Variants in TTN observed in about 807,000 individuals in gnomAD.
TTN encodes titin.
A neutral mutation model predicts 3,223.0 loss-of-function variants in TTN; 1,525 were observed. That is an observed-to-expected ratio of 0.47 (90% confidence interval 0.45 to 0.49). The LOEUF is 0.49. Ranked by LOEUF, TTN falls within the 20% of genes least tolerant of loss-of-function variation. The pLI is 0.00. For synonymous variants in TTN, 14,094 were observed against 15,161.0 expected, an observed-to-expected ratio of 0.93 and a Z score of 5.17; for missense variants, 40,786 against 43,424.0, an observed-to-expected ratio of 0.94 and a Z score of 5.40.
In TTN at chr2:178,562,128, T is replaced by G. The variant is rs369737884; in HGVS notation, c.84004A>C (p.Thr28002Pro). 1 of 1,613,218 alleles carries G rather than the reference T, an allele frequency of 6.2e-7. No homozygotes were observed. Among genetic ancestry groups the G allele is most frequent in the Non-Finnish European group, 8.5e-7 (1 of 1,179,568 alleles). The change falls in exon 326 of 363, where the codon ACT (threonine) becomes CCT (proline). Residue 28002 changes from threonine to proline, a missense_variant. By Grantham distance (38) the Thr-to-Pro change is conservative. Coordinates refer to ENST00000589042, the MANE Select transcript of TTN (RefSeq NM_001267550.2). ...TTGACTCTAGTTGTCTCTTTAAGAGTCTGACCATCTTTTCTCCAGTTCACA... is the reference window on the plus strand; with the variant it reads ...TTGACTCTAGTTGTCTCTTTAAGAGGCTGACCATCTTTTCTCCAGTTCACA... ...ATVNWRKDGQ[T>P]LKETTRVNVS...
At chr2:178,543,036 CTTTTT>C in intron 347 of TTN, 28 bp downstream of exon 347, 1 of 1,392,064 alleles carries the variant, frequency 7.2e-7, no homozygotes, top group Non-Finnish European at 9.6e-7. Flanking sequence ...TTTTACTTTA[CTTTTT>C]TTTTTTTTTT....
rs201226974 is a variant in TTN, at chr2:178,537,187, C to T, written c.99922G>A (p.Ala33308Thr). The change falls in exon 356 of 363, where the codon GCA becomes ACA. Residue 33308 changes from alanine to threonine, a missense_variant. Physicochemically the swap from Ala to Thr is moderately conservative, Grantham distance 58. Transcript: ENST00000589042. ...IVIEALLKNS[A>T]VISWKPPADD... ...GCGGGTGGTTTCCAGCTGATCACTG[C>T]GGAGTTCTTCAATAGAGCTTCGATC... 82 of 1,613,070 alleles carry T rather than the reference C, an allele frequency of 5.1e-5. No individual in the cohort carries two copies. The highest frequency in any genetic ancestry group is 6.7e-5 in the Admixed American group (4 of 59,950).
intron 205 of TTN, 54 bp downstream of exon 205, chr2:178,651,830 G>A: frequency 6.2e-7 from 1 of 1,600,834 alleles, no homozygotes; most frequent in South Asian, 1.1e-5. Flanking sequence ...GAATTATCAG[G>A]GCAGGAAGGG....
In TTN at chr2:178,740,032, G is replaced by A. The variant is rs1265208597; in HGVS notation, c.13201C>T (p.Arg4401Trp). 13 of 1,613,690 alleles carry A rather than the reference G, an allele frequency of 8.1e-6. No homozygotes were observed. The highest frequency in any genetic ancestry group is 2.7e-5 in the African/African-American group (2 of 74,910). The change falls in exon 48 of 363, where the codon CGG (arginine) becomes TGG (tryptophan). Residue 4401 changes from arginine to tryptophan, a missense_variant. Physicochemically the swap from Arg to Trp is moderately radical, Grantham distance 101. Transcript: ENST00000589042. ...CTGGCCACGGCTGCTTGCAAAGCCCGGCAGATTTGAATTTTCAGGTTTAAT... is the reference window on the plus strand; with the variant it reads ...CTGGCCACGGCTGCTTGCAAAGCCCAGCAGATTTGAATTTTCAGGTTTAAT... ...QRLNLKIQIC[R>W]ALQAAVASEQ...
In TTN at chr2:178,738,125, A is replaced by G. The variant is rs952268172; in HGVS notation, c.14328T>C (p.Asn4776=). ...DCGEYTCKAS[N]EYGSVSCTAT... is the part of the protein sequence containing the mutation. The stretch of plus-strand genomic sequence containing the variant: ...CTGTACAGCTGACACTGCCATACTC[A>G]TTGGAAGCTTTGCATGTATACTCGC... Residue 4776 remains asparagine (N), a synonymous_variant, in exon 49 of 363, where the codon AAT becomes AAC. Coordinates refer to ENST00000589042, the MANE Select transcript of TTN (RefSeq NM_001267550.2). 1.2e-6 allele frequency: 2 copies of G among 1,613,658 alleles called. No homozygotes were observed. The highest frequency in any genetic ancestry group is 4.5e-5 in the East Asian group (2 of 44,864).
Position 178,610,339 on chromosome 2 carries a change from A to G in TTN, c.51187T>C (p.Ser17063Pro), listed in dbSNP as rs758563428. The G allele has an allele frequency of 1.2e-6, 2 of 1,612,782 alleles. No individual in the cohort carries two copies. The highest frequency in any genetic ancestry group is 2.2e-5 in the South Asian group (2 of 91,046). ...GGAGGTTCCCAAGTTAACTTACAAG[A>G]ACTCTTGGTAATGTCACTTGCTTTA... ...DIKASDITKS[S>P]CKLTWEPPEF... Residue 17063 changes from serine to proline, a missense_variant, in exon 271 of 363, where the codon TCT (serine) becomes CCT (proline). Ser to Pro is a moderately conservative substitution (Grantham distance 74, BLOSUM62 -1). Coordinates refer to ENST00000589042, the MANE Select transcript of TTN (RefSeq NM_001267550.2).
Position 178,591,060 on chromosome 2 carries a change from A to G in TTN, c.60665T>C (p.Val20222Ala). 6.2e-7 allele frequency: 1 copy of G among 1,613,356 alleles called. No homozygotes were observed. The highest frequency in any genetic ancestry group is 1.1e-5 in the South Asian group (1 of 91,058). ...CTTTGTCTTACTGCTTCCGGAAGAG[A>G]CAACACCCCACGTGTCTTTCCTTGT... ...QDTRKDTWGV[V>A]SSGSSKTKLK... is the part of the protein sequence containing the mutation. The change falls in exon 304 of 363, where the codon GTC becomes GCC. Residue 20222 changes from valine to alanine, a missense_variant. Coordinates refer to ENST00000589042, the MANE Select transcript of TTN (RefSeq NM_001267550.2).
rs2054222422 is a variant in TTN at position 178,604,293 on chromosome 2, T to TAA, written c.54392_54393dup (p.Ile18132LeufsTer14). 6.8e-7 allele frequency: 1 copy of TAA among 1,462,516 alleles called. No individual in the cohort carries two copies. The highest frequency in any genetic ancestry group is 9.1e-7 in the Non-Finnish European group (1 of 1,104,148). 90.6% of individuals were successfully genotyped at this position (1,462,516 alleles called of 1,614,324 possible). ...CGGAACTCATACTGACCATTGGGGA[T>TAA]AAGTTTCCAGATCTAGAAATTAGAA... On this transcript the variant is annotated frameshift_variant, in exon 282 of 363. Transcript: ENST00000589042. LOFTEE classifies it high-confidence loss of function.
Position 178,682,867 on chromosome 2 carries a change from G to T in TTN, c.32924C>A (p.Thr10975Asn), listed in dbSNP as rs376614629. The change falls in exon 135 of 363, where the codon ACC becomes AAC. Residue 10975 changes from threonine to asparagine, a missense_variant. Thr to Asn is a moderately conservative substitution (Grantham distance 65). Coordinates refer to ENST00000589042, the MANE Select transcript of TTN (RefSeq NM_001267550.2). ...TACTGAAACAGCTTCTTCTTCTAGG[G>T]TATAAGCCCTTTCTTTCTCTTCCAT... ...TIMEEKERAY[T>N]LEEEAVSVQR... 3.7e-6 allele frequency: 6 copies of T among 1,610,368 alleles called. No homozygotes were observed. Among genetic ancestry groups the T allele is most frequent in the Non-Finnish European group, 2.5e-6 (3 of 1,178,682 alleles).
rs1338669169 is a variant in TTN, at chr2:178,613,957, G to A, written c.49346-20C>T. The A allele has an allele frequency of 2.5e-6, 4 of 1,606,682 alleles. No homozygotes were observed. The highest frequency in any genetic ancestry group is 1.3e-5 in the African/African-American group (1 of 74,182). On this transcript the variant is annotated intron_variant, in intron 262 of 362. Coordinates refer to ENST00000589042, the MANE Select transcript of TTN (RefSeq NM_001267550.2). ...GTGGATCTATAGACAGGATAATGGT[G>A]TAAAATGTTATATGTCCTGTATATA... is the stretch of plus-strand genomic sequence containing the variant.
intron 221 of TTN, 124 bp from the exon 222 acceptor site, chr2:178,640,234 A>C: frequency 1.2e-6 from 1 of 852,524 alleles, no homozygotes; most frequent in Non-Finnish European, 1.8e-6. Flanking sequence ...ATAATTATCA[A>C]ATCAAGTATT....
At chr2:178,664,264 G>A (rs755740557) in intron 168 of TTN, among the ~76,000 whole-genome samples, 166 bp from the exon 169 acceptor site, 8 of 151,960 alleles carry the variant, frequency 5.3e-5, no homozygotes, top group Non-Finnish European at 8.8e-5. Flanking sequence ...GGAACTTCCG[G>A]TATTTTCTTT....
At chr2:178,761,823 A>G (rs2089280658) in intron 43 of TTN, among the ~76,000 whole-genome samples, 2 of 152,348 alleles carry the variant, frequency 1.3e-5, no homozygotes, top group East Asian at 3.9e-4. Context: ...ATAACAGACA[A>G]TATCATTGTT....
chr2:178,538,359 G>T, intron 354 of TTN, 181 bp downstream of exon 354: 1 of 574,356 alleles, frequency 1.7e-6, no homozygotes, highest in Non-Finnish European at 2.9e-6. Context: ...CATCTGCTGA[G>T]GTTGTGTGCT....
At chr2:178,774,578 C>A in intron 29 of TTN, 105 bp from the exon 30 acceptor site, 3 of 1,044,094 alleles carry the variant, frequency 2.9e-6, no homozygotes, top group Non-Finnish European at 4.2e-6. Context: ...CCCATACTAT[C>A]AGGTGTATTC....
chr2:178,709,713 G>T lies in TTN; in HGVS notation c.28606C>A (p.Pro9536Thr), dbSNP rs201121983. The change falls in exon 99 of 363, where the codon CCA (proline) becomes ACA (threonine). Residue 9536 changes from proline (P) to threonine (T), a missense_variant. Pro to Thr is a conservative substitution (Grantham distance 38, BLOSUM62 -1). Coordinates refer to ENST00000589042, the MANE Select transcript of TTN (RefSeq NM_001267550.2). ...AATGTTATTTCACAGTTAGAAGTTGGTTGTATCTCTATATTATTTTTGTAC... is the reference window on the plus strand; with the variant it reads ...AATGTTATTTCACAGTTAGAAGTTGTTTGTATCTCTATATTATTTTTGTAC... ...AWYKNNIEIQ[P>T]TSNCEITFKN... The T allele has an allele frequency of 4.0e-5, 64 of 1,613,910 alleles. 1 individual carries two copies. Among genetic ancestry groups the T allele is most frequent in the Admixed American group, 3.7e-4 (22 of 60,002 alleles).
At chr2:178,593,938 T>A in intron 297 of TTN, 23 bp downstream of exon 297, 5 of 1,611,544 alleles carry the variant, frequency 3.1e-6, no homozygotes, top group Non-Finnish European at 4.2e-6. Context: ...GAAGATCTAT[T>A]CTTTCCACTA....
In TTN at chr2:178,797,859, T is replaced by C. The variant is rs570691545; in HGVS notation, c.914+1628A>G. On this transcript the variant is annotated intron_variant, in intron 6 of 362. Coordinates refer to ENST00000589042, the MANE Select transcript of TTN (RefSeq NM_001267550.2). ...AAAAGCTTTCACCCATAAATGCTTT[T>C]GCAGATTGTCTTCTCTTTTTTTTTC... Among the ~76,000 whole-genome samples, 13 of 152,296 alleles carry C rather than the reference T, an allele frequency of 8.5e-5. No homozygotes were observed. In the East Asian group the frequency reaches 2.3e-3, roughly 27 times the overall value.
chr2:178,724,872 T>C (rs1458811665), intron 71 of TTN: 3 of 212,036 alleles, frequency 1.4e-5, no homozygotes, highest in African/African-American at 6.8e-5. Flanking sequence ...TATATATTGA[T>C]TTCCACTTGA....
Sources: allele counts gnomAD v4.1 joint callset (sites outside exome capture counted in the v4.1 genomes callset), GRCh38; gene constraint gnomAD v4.1.1; transcripts MANE v1.5; gene names NCBI Gene and HGNC (gene_info 2026-07-23, HGNC 2026-07-21).